GPLD1: variants seen among roughly 807,000 people sequenced by gnomAD.
The protein encoded by GPLD1 is phosphatidylinositol-glycan-specific phospholipase D.
In GPLD1, 84 loss-of-function variants were observed where a neutral mutation model predicts 112.6. The ratio of observed to expected loss-of-function variants is 0.75; its 90% CI spans 0.63 to 0.89. GPLD1 has a LOEUF of 0.89. GPLD1 is among the 40% of genes least tolerant of loss of function. The pLI, the probability that GPLD1 is intolerant of heterozygous loss-of-function variation, is 0.00. For synonymous variants in GPLD1, 386 were observed against 403.8 expected (o/e 0.96, Z 0.53); for missense variants, 1,044 against 1,051.5 (o/e 0.99, Z 0.10).
chr6:24,434,370 C>T (rs1217442359), intron 22 of GPLD1, among the ~76,000 whole-genome samples: 1 of 151,224 alleles, frequency 6.6e-6, no homozygotes, highest in African/African-American at 2.4e-5. Context: ...TGCACTCCAG[C>T]CTGGATGACA....
chr6:24,490,901 G>A (rs1764540222), upstream of GPLD1, among the ~76,000 whole-genome samples: 1 of 152,168 alleles, frequency 6.6e-6, no homozygotes, highest in South Asian at 2.1e-4. Flanking sequence ...GGGGCAGTAG[G>A]CCCAGCTACT....
chr6:24,437,476 G>A (rs1481480710), intron 20 of GPLD1, among the ~76,000 whole-genome samples, 187 bp from the exon 21 acceptor site: 1 of 152,216 alleles, frequency 6.6e-6, no homozygotes, highest in African/African-American at 2.4e-5. Context: ...ACACCAGAGA[G>A]CTTCAGTGAT....
intron 22 of GPLD1, 66 bp from the exon 23 acceptor site, chr6:24,433,455 T>C (rs1762468796): frequency 9.0e-7 from 1 of 1,105,450 alleles, no homozygotes; most frequent in Non-Finnish European, 1.4e-6. Flanking sequence ...AAAATCAATT[T>C]TAATTATACC....
chr6:24,437,222 T>C lies in GPLD1; in HGVS notation c.2088A>G (p.Ala696=). 1.9e-6 allele frequency: 3 copies of C among 1,614,136 alleles called. No individual in the cohort carries two copies. The highest frequency in any genetic ancestry group is 1.7e-5 in the Admixed American group (1 of 60,026). ...GCAGAGGCTGCGCGTCAGATGTGAG[T>C]GCGTACATGCGAGTGGCTCCGCCTT... The part of the protein sequence containing the change: ...LHQGGATRMY[A]LTSDAQPLLL... The change falls in exon 21 of 25, where the codon GCA becomes GCG. Residue 696 remains alanine, a synonymous_variant. Coordinates refer to ENST00000230036, the MANE Select transcript of GPLD1 (RefSeq NM_001503.4).
rs375611830 is a variant in GPLD1, at chr6:24,460,048, C to A, written c.1008+231G>T. On this transcript the variant is annotated intron_variant, in intron 12 of 24. Coordinates refer to ENST00000230036, the MANE Select transcript of GPLD1 (RefSeq NM_001503.4). Reference sequence around the variant, plus strand: ...CAAGTAGCTGTGACAACAGGCACAGCCATCACACCCAGCTAATTTATTTAT... The same window carrying A: ...CAAGTAGCTGTGACAACAGGCACAGACATCACACCCAGCTAATTTATTTAT... 1.2e-3 allele frequency among the ~76,000 whole-genome samples: 179 copies of A among 152,262 alleles called. 1 individual carries two copies. The highest frequency in any genetic ancestry group is 4.1e-3 in the African/African-American group (172 of 41,566).
chr6:24,493,918 T>A (rs1561864719), upstream of GPLD1, among the ~76,000 whole-genome samples: 1 of 152,256 alleles, frequency 6.6e-6, no homozygotes, highest in Non-Finnish European at 1.5e-5. Flanking sequence ...GGGCTTCATT[T>A]GCACCCACAA....
upstream of GPLD1, among the ~76,000 whole-genome samples, chr6:24,490,057 A>G (rs554705614): frequency 3.0e-4 from 46 of 152,238 alleles, no homozygotes; most frequent in African/African-American, 1.1e-3. Flanking sequence ...CTTCCTTTTC[A>G]GTATTTGGCA....
intron 7 of GPLD1, among the ~76,000 whole-genome samples, chr6:24,468,751 C>T (rs9467184): frequency 0.024 from 3,576 of 152,150 alleles, 117 homozygotes; most frequent in African/African-American, 0.08. Context: ...ACTGAACCTG[C>T]GACCCTGGTG....
rs1009457025 is a variant in GPLD1 at position 24,428,173 on chromosome 6, T to C, written c.*859A>G. The stretch of plus-strand genomic sequence containing the variant: ...CCCTCAGTTTCTTTTTTTTTTTTTT[T>C]TCTGTATACTATGCTTTCTATTATA... On this transcript the variant is annotated 3_prime_UTR_variant, in exon 25 of 25. Transcript: ENST00000230036. The C allele has an allele frequency of 1.0e-4, 13 of 126,288 alleles. No individual in the cohort carries two copies. The highest frequency in any genetic ancestry group is 1.8e-4 in the Non-Finnish European group (10 of 56,768). The allele number at this position is 126,288 out of a possible 1,614,324, so 7.8% of individuals were successfully genotyped here. A position where few individuals can be genotyped will look rare whatever the true frequency, so the allele number is the denominator to read the frequency against.
chr6:24,433,218 C>G lies in GPLD1; in HGVS notation c.2405G>C (p.Ser802Thr). Reference protein sequence around the residue: ...ISPEASSRFGSSLITVRSKAK... With the variant: ...ISPEASSRFGTSLITVRSKAK... The stretch of plus-strand genomic sequence containing the variant: ...CTTGGACCTCACGGTGATGAGGGAG[C>G]TCCCAAACCTTGAGCTGGCCTGTAA... The change falls in exon 24 of 25, where the codon AGC becomes ACC. Residue 802 changes from serine to threonine, a missense_variant. By Grantham distance (58) the Ser-to-Thr change is moderately conservative. Coordinates refer to ENST00000230036, the MANE Select transcript of GPLD1 (RefSeq NM_001503.4). 2 of 1,613,198 alleles carry G rather than the reference C, an allele frequency of 1.2e-6. No homozygotes were observed. Among genetic ancestry groups the G allele is most frequent in the South Asian group, 2.2e-5 (2 of 91,044 alleles).
At chr6:24,437,632 A>G (rs1762623242) in intron 20 of GPLD1, among the ~76,000 whole-genome samples, 1 of 152,190 alleles carries the variant, frequency 6.6e-6, no homozygotes, top group Non-Finnish European at 1.5e-5. Flanking sequence ...ATGGAGTCCA[A>G]ACTCTTCACA....
At chr6:24,449,428 G>A (rs558624245) in intron 15 of GPLD1, among the ~76,000 whole-genome samples, 1 of 152,264 alleles carries the variant, frequency 6.6e-6, no homozygotes, top group South Asian at 2.1e-4. Context: ...CACCATTTGA[G>A]GAGAGGCCCA....
rs1762222891 is a variant in GPLD1 at position 24,425,975 on chromosome 6, G to T, written c.*3057C>A. On this transcript the variant is annotated 3_prime_UTR_variant, in exon 25 of 25. Transcript: ENST00000230036. Reference sequence around the variant, plus strand: ...TACCTACAGAGGTGAGCTAATGGATGGTACATGGAGTAGGGACTGCAGAGA... The same window carrying T: ...TACCTACAGAGGTGAGCTAATGGATTGTACATGGAGTAGGGACTGCAGAGA... 1.3e-5 allele frequency: 2 copies of T among 152,258 alleles called. No individual in the cohort carries two copies. The highest frequency in any genetic ancestry group is 4.8e-5 in the African/African-American group (2 of 41,544). The allele number at this position is 152,258 out of a possible 1,614,324, so 9.4% of individuals were successfully genotyped here. A position where few individuals can be genotyped will look rare whatever the true frequency, so the allele number is the denominator to read the frequency against.
intron 22 of GPLD1, among the ~76,000 whole-genome samples, chr6:24,435,058 T>C (rs1185643439): frequency 4.1e-4 from 61 of 148,962 alleles, no homozygotes; most frequent in Non-Finnish European, 3.4e-4. Context: ...GTTGCCCAGG[T>C]TGGAGTGCAG....
In GPLD1 at chr6:24,484,722, A is replaced by T. The variant is rs558103202; in HGVS notation, c.153+1353T>A. Among the ~76,000 whole-genome samples the T allele has an allele frequency of 3.1e-3, 475 of 152,340 alleles. 1 individual carries two copies. Among genetic ancestry groups the T allele is most frequent in the African/African-American group, 8.6e-3 (359 of 41,584 alleles). On this transcript the variant is annotated intron_variant, in intron 2 of 24. Transcript: ENST00000230036. ...TCGTTTCCACTCCTCTTTCCTGCCT[A>T]CTTGCCGTCAAGGTCAATGAAGATG...
chr6:24,488,736 T>G (rs1361732645), intron 1 of GPLD1, among the ~76,000 whole-genome samples: 1 of 152,172 alleles, frequency 6.6e-6, no homozygotes, highest in African/African-American at 2.4e-5. Context: ...TTTTTGTCAA[T>G]TATACATCAA....
At chr6:24,479,100 A>G (rs1039959987) in intron 3 of GPLD1, among the ~76,000 whole-genome samples, 4 of 151,932 alleles carry the variant, frequency 2.6e-5, no homozygotes, top group African/African-American at 7.3e-5. Context: ...AAACATTCCA[A>G]ACCCCTCCCC....
At chr6:24,444,786 C>G (rs1373650156) in intron 20 of GPLD1, among the ~76,000 whole-genome samples, 1 of 152,034 alleles carries the variant, frequency 6.6e-6, no homozygotes, top group Non-Finnish European at 1.5e-5. Context: ...GAGGTCAAGG[C>G]TGCCATAAGC....
At chr6:24,483,081 A>G (rs562657621) in intron 2 of GPLD1, among the ~76,000 whole-genome samples, 11 of 152,194 alleles carry the variant, frequency 7.2e-5, no homozygotes, top group Non-Finnish European at 1.5e-4. Flanking sequence ...TTATCCCAGC[A>G]CTTTGGGAGG....
Sources: gnomAD v4.1 joint callset for allele counts (sites outside exome capture counted in the v4.1 genomes callset) on GRCh38, gnomAD v4.1.1 for gene constraint, MANE v1.5 for transcripts, NCBI Gene and HGNC (gene_info 2026-07-23, HGNC 2026-07-21) for gene names.